The following COL8A1 variants were observed in gnomAD, a reference collection of about 807,000 sequenced individuals.
The protein encoded by COL8A1 is collagen alpha-1(VIII) chain.
Under a neutral mutation model 42.7 loss-of-function variants are expected in COL8A1, and 21 were observed. The ratio of observed to expected loss-of-function variants is 0.49; its 90% CI spans 0.35 to 0.71. The LOEUF (loss-of-function observed/expected upper bound fraction) is 0.71, where lower values mean the gene tolerates loss of function less well. Ranked by LOEUF, COL8A1 falls within the 30% of genes least tolerant of loss-of-function variation. The pLI, the probability that COL8A1 is intolerant of heterozygous loss-of-function variation, is 0.01. For synonymous variants in COL8A1, 367 were observed against 369.1 expected (o/e 0.99, Z 0.06); for missense variants, 788 against 962.4 (o/e 0.82, Z 2.40).
intron 2 of COL8A1, among the ~76,000 whole-genome samples, chr3:99,773,837 A>ATTTTTTTT (rs1172723632): frequency 2.2e-5 from 1 of 45,400 alleles, no homozygotes; most frequent in African/African-American, 1.3e-4. Context: ...ATATATATAT[A>ATTTTTTTT]TTTTTTTTTT....
chr3:99,741,501 T>C (rs1940898640), intron 1 of COL8A1, among the ~76,000 whole-genome samples: 1 of 152,218 alleles, frequency 6.6e-6, no homozygotes, highest in South Asian at 2.1e-4. Context: ...TATTACAATT[T>C]TAGTAGTCAG....
chr3:99,780,619 A>G (rs1021990298), intron 2 of COL8A1, among the ~76,000 whole-genome samples: 8 of 152,174 alleles, frequency 5.3e-5, no homozygotes, highest in Non-Finnish European at 1.5e-5. Context: ...ATGTTTATCA[A>G]CGAAATTCCA....
intron 1 of COL8A1, among the ~76,000 whole-genome samples, chr3:99,647,698 A>G (rs1400775757): frequency 6.6e-6 from 1 of 152,186 alleles, no homozygotes; most frequent in Non-Finnish European, 1.5e-5. Flanking sequence ...TTCCTGCTTT[A>G]TCTTTACTAT....
intron 2 of COL8A1, among the ~76,000 whole-genome samples, chr3:99,776,748 A>C (rs1329877964): frequency 6.6e-6 from 1 of 152,220 alleles, no homozygotes; most frequent in Non-Finnish European, 1.5e-5. Context: ...TGCTTAGCTA[A>C]GAATACTTAT....
At chr3:99,757,994 T>A (rs1236588496) in intron 2 of COL8A1, among the ~76,000 whole-genome samples, 1 of 152,108 alleles carries the variant, frequency 6.6e-6, no homozygotes, top group Non-Finnish European at 1.5e-5. Flanking sequence ...TTCTTTTAGG[T>A]TGATACCAAA....
chr3:99,671,415 C>T (rs1031960274), intron 1 of COL8A1, among the ~76,000 whole-genome samples: 10 of 151,982 alleles, frequency 6.6e-5, no homozygotes, highest in African/African-American at 2.4e-4. Context: ...TATTAACATA[C>T]ATTGTGGAAT....
intron 1 of COL8A1, among the ~76,000 whole-genome samples, chr3:99,661,323 G>A (rs181788048): frequency 9.3e-4 from 142 of 152,204 alleles, no homozygotes; most frequent in Admixed American, 1.7e-3. Context: ...CTCCAAAGAA[G>A]ATATACAAAT....
intron 2 of COL8A1, among the ~76,000 whole-genome samples, chr3:99,787,711 T>C (rs992904599): frequency 3.3e-5 from 5 of 152,340 alleles, no homozygotes; most frequent in African/African-American, 1.2e-4. Flanking sequence ...GCATGAAGAA[T>C]GGCAGAGCCA....
intron 1 of COL8A1, among the ~76,000 whole-genome samples, chr3:99,682,576 G>A (rs1422756083): frequency 6.6e-6 from 1 of 151,046 alleles, no homozygotes; most frequent in Non-Finnish European, 1.5e-5. Context: ...CTTCTGGTCT[G>A]ACTTTTATGT....
At chr3:99,671,274 A>T (rs1323282441) in intron 1 of COL8A1, among the ~76,000 whole-genome samples, 3 of 152,054 alleles carry the variant, frequency 2.0e-5, no homozygotes, top group African/African-American at 7.2e-5. Context: ...GTAAGGCTCA[A>T]AAACATTTTT....
At chr3:99,658,506 A>C (rs1420673560) in intron 1 of COL8A1, among the ~76,000 whole-genome samples, 1 of 152,122 alleles carries the variant, frequency 6.6e-6, no homozygotes, top group African/African-American at 2.4e-5. Context: ...GTTTCTGTTT[A>C]ACTAACTGTC....
intron 1 of COL8A1, among the ~76,000 whole-genome samples, chr3:99,735,031 C>T (rs1940659752): frequency 6.6e-6 from 1 of 151,682 alleles, no homozygotes; most frequent in South Asian, 2.1e-4. Flanking sequence ...AGTTGCTTAT[C>T]AGCTTAAGGA....
intron 2 of COL8A1, among the ~76,000 whole-genome samples, chr3:99,779,533 C>T (rs1325593857): frequency 8.5e-5 from 13 of 152,156 alleles, no homozygotes. Context: ...CCTTTGCAGT[C>T]AATACAAAGA....
In COL8A1 at chr3:99,794,999, T is replaced by G. The variant is rs1241778338; in HGVS notation, c.1098T>G (p.Gly366=). The change falls in exon 4 of 4, where the codon GGT becomes GGG. Residue 366 remains glycine, a synonymous_variant. Coordinates refer to ENST00000652472, the MANE Select transcript of COL8A1 (RefSeq NM_020351.4). This position sits in a 1 kb window ranked among gnomAD's most constrained non-coding sequence, Gnocchi z 4.3. ...PGPKGDRGMG[G]VPGALGPRGE... ...CCAAAGGTGACCGGGGCATGGGAGGTGTTCCTGGGGCTCTTGGACCAAGAG... is the reference window on the plus strand; with the variant it reads ...CCAAAGGTGACCGGGGCATGGGAGGGGTTCCTGGGGCTCTTGGACCAAGAG... 3 of 1,603,226 alleles carry G rather than the reference T, an allele frequency of 1.9e-6. No individual in the cohort carries two copies. The highest frequency in any genetic ancestry group is 2.2e-5 in the South Asian group (2 of 90,024).
chr3:99,685,029 T>A (rs112846211), intron 1 of COL8A1, among the ~76,000 whole-genome samples: 541 of 152,318 alleles, frequency 3.6e-3, no homozygotes, highest in African/African-American at 0.013. Context: ...TTGCAGATTT[T>A]ACCGTCTTTA....
At chr3:99,710,692 G>T (rs1455686591) in intron 1 of COL8A1, among the ~76,000 whole-genome samples, 1 of 152,196 alleles carries the variant, frequency 6.6e-6, no homozygotes, top group African/African-American at 2.4e-5. Flanking sequence ...GACCAGGCAT[G>T]TGTGTTATTA....
intron 2 of COL8A1, among the ~76,000 whole-genome samples, chr3:99,771,950 G>A (rs1941588389): frequency 6.6e-6 from 1 of 152,142 alleles, no homozygotes. Flanking sequence ...GTTTTATTCT[G>A]AAGGAGTAAT....
At chr3:99,654,669 T>C (rs1576415197) in intron 1 of COL8A1, among the ~76,000 whole-genome samples, 2 of 151,944 alleles carry the variant, frequency 1.3e-5, no homozygotes, top group Non-Finnish European at 2.9e-5. Flanking sequence ...ATGCCTGTAG[T>C]CCCAGCCACT....
intron 1 of COL8A1, among the ~76,000 whole-genome samples, chr3:99,737,738 C>T (rs1002705709): frequency 1.3e-5 from 2 of 152,010 alleles, no homozygotes; most frequent in African/African-American, 2.4e-5. Flanking sequence ...ATCTTTGTGG[C>T]ATTCTCTGTA....
Sources: gnomAD v4.1 joint callset for allele counts (sites outside exome capture counted in the v4.1 genomes callset) on GRCh38, gnomAD v4.1.1 for gene constraint, Gnocchi (gnomAD v3.1) non-coding constraint, MANE v1.5 for transcripts, NCBI Gene and HGNC (gene_info 2026-07-23, HGNC 2026-07-21) for gene names.